Variants in BRINP1 observed in about 807,000 individuals in gnomAD.
BRINP1 encodes BMP/retinoic acid-inducible neural-specific protein 1.
In BRINP1, 17 loss-of-function variants were observed where a neutral mutation model predicts 72.9. The observed-to-expected ratio is 0.23, with a 90% CI of 0.16 to 0.35. The LOEUF is 0.35. Ranked by LOEUF, BRINP1 falls within the 10% of genes least tolerant of loss-of-function variation. BRINP1 has a pLI of 1.00. For synonymous variants in BRINP1, 418 were observed against 378.5 expected (o/e 1.10, Z -1.21); for missense variants, 850 against 1,001.6 (o/e 0.85, Z 2.04).
intron 2 of BRINP1, among the ~76,000 whole-genome samples, chr9:119,266,718 T>C (rs1295831485): frequency 6.6e-6 from 1 of 152,228 alleles, no homozygotes; most frequent in Non-Finnish European, 1.5e-5. Flanking sequence ...ATTCGATTGT[T>C]CTAGCTTCCA....
At chr9:119,187,407 CAA>C (rs1829635031) in intron 7 of BRINP1, among the ~76,000 whole-genome samples, 1 of 151,938 alleles carries the variant, frequency 6.6e-6, no homozygotes, top group Admixed American at 6.6e-5. Context: ...ACCACTGCCA[CAA>C]AGTCTTGTAG....
chr9:119,253,368 A>G (rs764872747), intron 2 of BRINP1, among the ~76,000 whole-genome samples: 1 of 152,242 alleles, frequency 6.6e-6, no homozygotes, highest in Non-Finnish European at 1.5e-5. Context: ...GTGCCAATCA[A>G]TGGATGAATG....
intron 2 of BRINP1, among the ~76,000 whole-genome samples, chr9:119,297,584 C>A (rs888853252): frequency 3.2e-4 from 49 of 152,170 alleles, no homozygotes; most frequent in African/African-American, 1.2e-3. Flanking sequence ...GCTAATAATA[C>A]CATATTCTGT....
Position 119,208,762 on chromosome 9 carries a change from C to T in BRINP1, c.1102G>A (p.Val368Ile). ...TGGTTGGGATTGTGGCGACAGCGTA[C>T]ACTGAGGCCGAAAAGCTTGCGGGCA... ...RTARKLFGLS[V>I]RCRHNPNHQL... Residue 368 changes from valine to isoleucine, a missense_variant, in exon 7 of 8, where the codon GTA becomes ATA. Physicochemically the swap from Val to Ile is conservative, Grantham distance 29 (BLOSUM62 3). Transcript: ENST00000265922. 6.2e-7 allele frequency: 1 copy of T among 1,613,784 alleles called. No individual in the cohort carries two copies. Among genetic ancestry groups the T allele is most frequent in the Non-Finnish European group, 8.5e-7 (1 of 1,180,030 alleles).
At chr9:119,238,370 G>A (rs1830212079) in intron 5 of BRINP1, among the ~76,000 whole-genome samples, 1 of 151,498 alleles carries the variant, frequency 6.6e-6, no homozygotes, top group Admixed American at 6.6e-5. Flanking sequence ...CCAAAGAAAT[G>A]TAGATATTTA....
intron 1 of BRINP1, among the ~76,000 whole-genome samples, chr9:119,347,076 C>T (rs1273145740): frequency 6.6e-6 from 1 of 152,184 alleles, no homozygotes; most frequent in African/African-American, 2.4e-5. Flanking sequence ...CCTCTTGCCC[C>T]AAAATATCAA....
chr9:119,359,782 G>T (rs1036813126), intron 1 of BRINP1, among the ~76,000 whole-genome samples: 1 of 152,196 alleles, frequency 6.6e-6, no homozygotes, highest in African/African-American at 2.4e-5. Flanking sequence ...ACCTATGCAT[G>T]AGCTTGTTGA....
chr9:119,198,890 C>G (rs1829774702), intron 7 of BRINP1, among the ~76,000 whole-genome samples: 1 of 152,134 alleles, frequency 6.6e-6, no homozygotes, highest in East Asian at 1.9e-4. Context: ...CTAGGCTGGT[C>G]TTGAACTCCT....
chr9:119,267,284 G>A (rs184146550), intron 2 of BRINP1, among the ~76,000 whole-genome samples: 1 of 152,248 alleles, frequency 6.6e-6, no homozygotes, highest in East Asian at 1.9e-4. Flanking sequence ...AACATTGGTA[G>A]AGCCACACAT....
At chr9:119,170,949 C>A (rs1448689890) in intron 7 of BRINP1, among the ~76,000 whole-genome samples, 1 of 142,714 alleles carries the variant, frequency 7.0e-6, no homozygotes, top group Non-Finnish European at 1.5e-5. Context: ...TTTGTCACCA[C>A]CAGGCCTGCC....
At chr9:119,339,066 C>G (rs144493166) in intron 1 of BRINP1, among the ~76,000 whole-genome samples, 75 of 152,266 alleles carry the variant, frequency 4.9e-4, no homozygotes, top group African/African-American at 1.8e-3. Context: ...CTCTTTTCAC[C>G]TGGACTGCTG....
intron 2 of BRINP1, among the ~76,000 whole-genome samples, chr9:119,305,357 G>A (rs1186782253): frequency 1.3e-5 from 2 of 152,160 alleles, no homozygotes; most frequent in Non-Finnish European, 2.9e-5. Flanking sequence ...TGGCTATCTA[G>A]TAATATTCTG....
intron 2 of BRINP1, among the ~76,000 whole-genome samples, chr9:119,279,852 C>T (rs1830690767): frequency 6.6e-6 from 1 of 152,162 alleles, no homozygotes; most frequent in East Asian, 1.9e-4. Flanking sequence ...AGAAAGCTCA[C>T]TACCTGCCCA....
intron 2 of BRINP1, among the ~76,000 whole-genome samples, chr9:119,260,516 C>T (rs1421097165): frequency 6.6e-6 from 1 of 152,168 alleles, no homozygotes; most frequent in Non-Finnish European, 1.5e-5. Context: ...CTACCACTGA[C>T]AGAGATAGAT....
chr9:119,171,457 T>C (rs1357312966), intron 7 of BRINP1, among the ~76,000 whole-genome samples: 1 of 149,806 alleles, frequency 6.7e-6, no homozygotes, highest in Non-Finnish European at 1.5e-5. Flanking sequence ...ATGCACCCAA[T>C]ACAGGAGCAC....
At chr9:119,358,402 A>T (rs1465746605) in intron 1 of BRINP1, among the ~76,000 whole-genome samples, 1 of 151,868 alleles carries the variant, frequency 6.6e-6, no homozygotes, top group Non-Finnish European at 1.5e-5. Flanking sequence ...AAAAAAAAAA[A>T]AAAAGGAGAG....
At chr9:119,213,665 G>T in intron 6 of BRINP1, 1 of 585,432 alleles carries the variant, frequency 1.7e-6, no homozygotes, top group Non-Finnish European at 3.0e-6. Context: ...TATTCTTTCT[G>T]TCTTCTGGGT....
chr9:119,249,843 G>GAAGGAAGA (rs1476879600), intron 2 of BRINP1, among the ~76,000 whole-genome samples: 3 of 72,488 alleles, frequency 4.1e-5, no homozygotes, highest in African/African-American at 1.8e-4. Context: ...AGGAAGGAAG[G>GAAGGAAGA]AAGGAAGGAA....
At chr9:119,250,102 AAAGGAAGG>A (rs1185281880) in intron 2 of BRINP1, among the ~76,000 whole-genome samples, 3 of 77,570 alleles carry the variant, frequency 3.9e-5, no homozygotes, top group South Asian at 5.1e-4. Context: ...GGAAGGAAGA[AAAGGAAGG>A]AGGGAGGGAG....
Sources: gnomAD v4.1 joint callset for allele counts (sites outside exome capture counted in the v4.1 genomes callset) on GRCh38, gnomAD v4.1.1 for gene constraint, MANE v1.5 for transcripts, NCBI Gene and HGNC (gene_info 2026-07-23, HGNC 2026-07-21) for gene names.